VRK2: variants seen among roughly 807,000 people sequenced by gnomAD.
The protein encoded by VRK2 is VRK serine/threonine kinase 2.
VRK2 carries 60 observed loss-of-function variants against 57.6 expected under a neutral mutation model. The observed-to-expected ratio is 1.04, with a 90% CI of 0.85 to 1.29. The LOEUF is 1.29. Ranked by LOEUF, VRK2 falls within the 50% of genes most tolerant of loss-of-function variation. VRK2 has a pLI of 0.00. For missense variants in VRK2, 705 were observed against 588.1 expected, an observed-to-expected ratio of 1.20 and a Z score of -2.06; for synonymous variants, 231 against 199.2, an observed-to-expected ratio of 1.16 and a Z score of -1.35.
chr2:57,953,851 G>A (rs777541235), intron 1 of VRK2, among the ~76,000 whole-genome samples: 7 of 152,050 alleles, frequency 4.6e-5, no homozygotes, highest in Non-Finnish European at 1.0e-4. Flanking sequence ...ATATTAATCT[G>A]AATTTTTATA....
intron 1 of VRK2, among the ~76,000 whole-genome samples, chr2:57,918,935 C>T (rs757368372): frequency 6.6e-6 from 1 of 152,056 alleles, no homozygotes; most frequent in Non-Finnish European, 1.5e-5. Flanking sequence ...CAATGCTTGT[C>T]TGGTCTGGTA....
At chr2:58,060,346 A>G (rs952080492) in intron 2 of VRK2, among the ~76,000 whole-genome samples, 1 of 151,916 alleles carries the variant, frequency 6.6e-6, no homozygotes, top group Non-Finnish European at 1.5e-5. Flanking sequence ...TATAATAAAG[A>G]ACTGCTGTAA....
intron 3 of VRK2, among the ~76,000 whole-genome samples, chr2:58,037,012 C>G (rs1449504817): frequency 1.3e-5 from 2 of 151,898 alleles, no homozygotes; most frequent in Non-Finnish European, 1.5e-5. Flanking sequence ...AGTCACTACT[C>G]ACTGTAGTCT....
At chr2:58,142,051 A>G (rs1681428301) in intron 11 of VRK2, among the ~76,000 whole-genome samples, 2 of 151,966 alleles carry the variant, frequency 1.3e-5, no homozygotes, top group Admixed American at 1.3e-4. Flanking sequence ...ATTCTGGACT[A>G]ATACATTTTT....
intron 10 of VRK2, 72 bp downstream of exon 10, chr2:58,135,271 G>C: frequency 1.9e-6 from 3 of 1,569,298 alleles, no homozygotes; most frequent in Non-Finnish European, 2.6e-6. Context: ...TCGTTTGGTA[G>C]CTTTTGCTTA....
In VRK2 at chr2:58,103,363, A is replaced by G. The variant is rs140909227; in HGVS notation, c.543+13640A>G. On this transcript the variant is annotated intron_variant, in intron 7 of 12. Coordinates refer to ENST00000340157, the MANE Select transcript of VRK2 (RefSeq NM_006296.7). The stretch of plus-strand genomic sequence containing the variant: ...TGATAAACTACTGGCTACACTAACC[A>G]AGAATAGAGAAGTTCCAAATACACA... Among the ~76,000 whole-genome samples the G allele has an allele frequency of 2.3e-3, 355 of 151,728 alleles. 2 individuals are homozygous for G. Among genetic ancestry groups the G allele is most frequent in the Admixed American group, 3.9e-3 (60 of 15,208 alleles).
At chr2:58,079,688 G>C (rs1477512418) in intron 2 of VRK2, among the ~76,000 whole-genome samples, 1 of 151,866 alleles carries the variant, frequency 6.6e-6, no homozygotes, top group African/African-American at 2.4e-5. Flanking sequence ...GATTACTTTT[G>C]CACCAACTTA....
intron 2 of VRK2, among the ~76,000 whole-genome samples, chr2:58,053,515 G>A (rs759675583): frequency 6.6e-6 from 1 of 152,094 alleles, no homozygotes; most frequent in Non-Finnish European, 1.5e-5. Context: ...TTATTTTACT[G>A]ATAAGGAAAC....
chr2:58,088,255 C>T (rs1043276741), intron 5 of VRK2, 86 bp from the exon 6 acceptor site: 24 of 909,640 alleles, frequency 2.6e-5, no homozygotes, highest in East Asian at 7.2e-5. Context: ...TTAGGTTGAG[C>T]GTAATTTTTC....
At chr2:58,092,643 T>C (rs1260162154) in intron 7 of VRK2, among the ~76,000 whole-genome samples, 1 of 152,212 alleles carries the variant, frequency 6.6e-6, no homozygotes, top group Non-Finnish European at 1.5e-5. Flanking sequence ...CAATGTGTGA[T>C]ATTTCATTTG....
chr2:58,086,497 G>T, intron 5 of VRK2, 71 bp downstream of exon 5: 1 of 1,319,898 alleles, frequency 7.6e-7, no homozygotes, highest in South Asian at 1.5e-5. Context: ...GTTAACTATT[G>T]CCATGTAACA....
At chr2:57,943,852 G>C (rs1671173391) in intron 1 of VRK2, among the ~76,000 whole-genome samples, 1 of 152,220 alleles carries the variant, frequency 6.6e-6, no homozygotes, top group Non-Finnish European at 1.5e-5. Context: ...TTTCTGTAAA[G>C]GGTCAGACAG....
At chr2:58,045,654 G>C (rs1441814740), upstream of VRK2, among the ~76,000 whole-genome samples, 5 of 152,016 alleles carry the variant, frequency 3.3e-5, no homozygotes, top group South Asian at 1.0e-3. Flanking sequence ...TTTCATTTTG[G>C]TGACAGTCTG....
chr2:57,924,909 T>C (rs1017405990), intron 1 of VRK2, among the ~76,000 whole-genome samples: 1 of 151,988 alleles, frequency 6.6e-6, no homozygotes, highest in African/African-American at 2.4e-5. Flanking sequence ...GGTTTTTTTT[T>C]AATCATGAAG....
intron 7 of VRK2, among the ~76,000 whole-genome samples, chr2:58,100,024 A>G (rs1276263529): frequency 6.6e-6 from 1 of 152,014 alleles, no homozygotes; most frequent in Non-Finnish European, 1.5e-5. Flanking sequence ...GAAGTTGAAA[A>G]GTAGAAAAAA....
chr2:58,076,512 T>C (rs558730711), intron 2 of VRK2, among the ~76,000 whole-genome samples: 79 of 152,188 alleles, frequency 5.2e-4, no homozygotes, highest in African/African-American at 1.9e-3. Context: ...CATTGTAAAG[T>C]AGAAAAACCC....
chr2:57,962,025 C>T (rs1008652694), intron 1 of VRK2, among the ~76,000 whole-genome samples: 3 of 152,004 alleles, frequency 2.0e-5, no homozygotes, highest in Non-Finnish European at 4.4e-5. Flanking sequence ...TATACTAAGC[C>T]GTGATTGCGC....
chr2:57,962,307 G>C (rs554616974), intron 1 of VRK2, among the ~76,000 whole-genome samples: 75 of 152,158 alleles, frequency 4.9e-4, no homozygotes, highest in Non-Finnish European at 6.8e-4. Flanking sequence ...CAATTCGTGG[G>C]CTAGGAACTA....
rs574889051 is a variant in VRK2, at chr2:58,030,852, T to C, written c.-332-2375T>C. 7.2e-5 allele frequency among the ~76,000 whole-genome samples: 11 copies of C among 152,230 alleles called. No individual in the cohort carries two copies. The South Asian group carries it at 2.3e-3, about 32-fold the overall frequency. On this transcript the variant is annotated intron_variant, in intron 2 of 15. Transcript: ENST00000417641. ...AGAAGAGGCAATGCAACTTCTGTCGTGTTCTTTGGAACACTCATGCTTTAT... is the reference window on the plus strand; with the variant it reads ...AGAAGAGGCAATGCAACTTCTGTCGCGTTCTTTGGAACACTCATGCTTTAT...
Sources: allele counts gnomAD v4.1 joint callset (sites outside exome capture counted in the v4.1 genomes callset), GRCh38; gene constraint gnomAD v4.1.1; transcripts MANE v1.5; gene names NCBI Gene and HGNC (gene_info 2026-07-23, HGNC 2026-07-21).